The following SF3A3 variants were observed in gnomAD, a reference collection of about 807,000 sequenced individuals.
SF3A3 encodes the protein SAP 61.
SF3A3 carries 9 observed loss-of-function variants against 85.8 expected under a neutral mutation model. The ratio of observed to expected loss-of-function variants is 0.10; its 90% CI spans 0.06 to 0.18. The LOEUF (loss-of-function observed/expected upper bound fraction) is 0.18, where lower values mean the gene tolerates loss of function less well. Ranked by LOEUF, SF3A3 falls within the 10% of genes least tolerant of loss-of-function variation. The probability of loss-of-function intolerance (pLI) is 1.00; values close to 1 mark genes in which losing one functional copy is unlikely to be tolerated. For missense variants in SF3A3, 306 were observed against 593.3 expected, an observed-to-expected ratio of 0.52 and a Z score of 5.03; for synonymous variants, 195 against 204.4, an observed-to-expected ratio of 0.95 and a Z score of 0.39.
At position 37,980,741 on chromosome 1, in the gene SF3A3, A is replaced by G; in HGVS notation, c.552-17T>C. On this transcript the variant is annotated splice_polypyrimidine_tract_variant and intron_variant, in intron 7 of 16. Transcript: ENST00000373019. ...TCTAGGTATCTACAGAGGAACACAC[A>G]ATGCAGACAAAGCAAAAAGGGTTTC... 6.3e-7 allele frequency: 1 copy of G among 1,583,036 alleles called. No homozygotes were observed. The highest frequency in any genetic ancestry group is 8.6e-7 in the Non-Finnish European group (1 of 1,159,392).
chr1:37,975,841 G>A (rs1293890511), intron 12 of SF3A3, among the ~76,000 whole-genome samples: 2 of 152,342 alleles, frequency 1.3e-5, no homozygotes, highest in East Asian at 1.9e-4. Context: ...ATGCGAGTAT[G>A]TGTAAAGGGA....
intron 6 of SF3A3, among the ~76,000 whole-genome samples, chr1:37,983,101 G>A (rs1156389828): frequency 6.6e-6 from 1 of 151,524 alleles, no homozygotes; most frequent in Non-Finnish European, 1.5e-5. Context: ...ACCATGCCCA[G>A]CTAATTTTGT....
Position 37,974,149 on chromosome 1 carries a change from G to A in SF3A3, c.1005+2735C>T, listed in dbSNP as rs1570462013. Among the ~76,000 whole-genome samples, 4 of 152,050 alleles carry A rather than the reference G, an allele frequency of 2.6e-5. No homozygotes were observed. The South Asian group carries it at 8.3e-4, about 32-fold the overall frequency. ...TAATGTAAATGACGAGTTAACGGGT[G>A]CAGCACACCAACATGGCACATGTAC... On this transcript the variant is annotated intron_variant, in intron 12 of 16. Transcript: ENST00000373019.
intron 15 of SF3A3, among the ~76,000 whole-genome samples, chr1:37,962,013 A>C (rs1215651351): frequency 6.6e-6 from 1 of 150,604 alleles, no homozygotes; most frequent in Admixed American, 6.7e-5. Context: ...TGAACCCAGG[A>C]GGTGGAGGTT....
intron 15 of SF3A3, among the ~76,000 whole-genome samples, chr1:37,963,869 T>G (rs1405773748): frequency 1.3e-5 from 1 of 76,754 alleles, no homozygotes; most frequent in Non-Finnish European, 2.4e-5. Context: ...CCAATGATAT[T>G]CTTAAAAAAA....
intron 2 of SF3A3, among the ~76,000 whole-genome samples, chr1:37,988,769 C>A (rs996735997): frequency 6.6e-6 from 1 of 151,988 alleles, no homozygotes. Flanking sequence ...TTTTAATAAA[C>A]TGAACTATTA....
intron 6 of SF3A3, among the ~76,000 whole-genome samples, chr1:37,982,291 A>C (rs1465647838): frequency 6.6e-6 from 1 of 152,174 alleles, no homozygotes; most frequent in Non-Finnish European, 1.5e-5. Context: ...ATTTCTTCAC[A>C]ATTCCATGAG....
At chr1:37,972,065 T>A (rs1646348349) in intron 12 of SF3A3, among the ~76,000 whole-genome samples, 1 of 152,198 alleles carries the variant, frequency 6.6e-6, no homozygotes, top group Non-Finnish European at 1.5e-5. Flanking sequence ...GGAAGTCAAA[T>A]TGTCCCTGTT....
chr1:37,986,292 C>T (rs1646456357), intron 4 of SF3A3, among the ~76,000 whole-genome samples: 1 of 152,222 alleles, frequency 6.6e-6, no homozygotes, highest in Non-Finnish European at 1.5e-5. Flanking sequence ...CTTCTACTTC[C>T]CCATTACCCA....
intron 12 of SF3A3, among the ~76,000 whole-genome samples, chr1:37,970,805 C>G (rs1646340123): frequency 6.6e-6 from 1 of 152,070 alleles, no homozygotes; most frequent in Non-Finnish European, 1.5e-5. Flanking sequence ...TCTTGGAAAC[C>G]AATGAGCACA....
At chr1:37,969,994 T>C (rs1646327290) in intron 12 of SF3A3, among the ~76,000 whole-genome samples, 1 of 152,152 alleles carries the variant, frequency 6.6e-6, no homozygotes, top group African/African-American at 2.4e-5. Context: ...GAAAACAGTC[T>C]CATCTATTCT....
At chr1:37,983,586 CAAAAAAAAAA>C (rs371317065) in intron 6 of SF3A3, among the ~76,000 whole-genome samples, 3 of 38,490 alleles carry the variant, frequency 7.8e-5, no homozygotes, top group South Asian at 2.2e-3. Flanking sequence ...GACCCTGTCT[CAAAAAAAAAA>C]AAAAAAAAAA....
chr1:37,972,952 G>A (rs1646353419), intron 12 of SF3A3, among the ~76,000 whole-genome samples: 1 of 152,182 alleles, frequency 6.6e-6, no homozygotes, highest in Non-Finnish European at 1.5e-5. Context: ...AGGCCAAGGT[G>A]GGTGGATCAC....
intron 15 of SF3A3, among the ~76,000 whole-genome samples, chr1:37,967,369 C>T (rs1474800968): frequency 2.6e-5 from 4 of 151,334 alleles, no homozygotes; most frequent in Admixed American, 2.6e-4. Flanking sequence ...CACAGTGAAA[C>T]CCCGTCTCTA....
rs1397772796 is a variant in SF3A3 at position 37,979,162 on chromosome 1, T to C, written c.760-107A>G. On this transcript the variant is annotated intron_variant, in intron 9 of 16. Coordinates refer to ENST00000373019, the MANE Select transcript of SF3A3 (RefSeq NM_006802.4). ...CCTGAGGCTGTGGCAGGACCACACA[T>C]TTCACAGCCAATCTAGCAGTAAGTC... is the stretch of plus-strand genomic sequence containing the variant. 10 of 853,742 alleles carry C rather than the reference T, an allele frequency of 1.2e-5. No homozygotes were observed. The East Asian group carries it at 1.5e-4, about 13-fold the overall frequency. 52.9% of individuals were successfully genotyped at this position (853,742 alleles called of 1,614,324 possible).
chr1:37,985,413 T>G (rs952075041), intron 4 of SF3A3, among the ~76,000 whole-genome samples: 32 of 51,812 alleles, frequency 6.2e-4, no homozygotes, highest in African/African-American at 1.5e-3. Flanking sequence ...CCTGGGGGAG[T>G]TTTTTTTTTA....
rs1188676062 is a variant in SF3A3 at position 37,957,938 on chromosome 1, T to TG, written c.*247dup. 4 of 465,910 alleles carry TG rather than the reference T, an allele frequency of 8.6e-6. No individual in the cohort carries two copies. Among genetic ancestry groups the TG allele is most frequent in the African/African-American group, 5.8e-5 (3 of 51,438 alleles). 28.9% of individuals were successfully genotyped at this position (465,910 alleles called of 1,614,324 possible). A position where few individuals can be genotyped will look rare whatever the true frequency, so the allele number is the denominator to read the frequency against. On this transcript the variant is annotated 3_prime_UTR_variant, in exon 17 of 17. Transcript: ENST00000373019. ...GGCGTTAAGACCTGAAGCACTGAGTTGGTCCATAACCCTGGGCTTTAGAAC... is the reference window on the plus strand; with the variant it reads ...GGCGTTAAGACCTGAAGCACTGAGTTGGGTCCATAACCCTGGGCTTTAGAAC...
At chr1:37,974,860 A>G (rs1017282170) in intron 12 of SF3A3, among the ~76,000 whole-genome samples, 2 of 152,212 alleles carry the variant, frequency 1.3e-5, no homozygotes, top group Non-Finnish European at 2.9e-5. Flanking sequence ...TCCTGAACAT[A>G]TAATTTTATC....
chr1:37,987,981 G>T lies in SF3A3; in HGVS notation c.145-145C>A, dbSNP rs1570472524. ...AGTCTTAACAGTTCTGTGCTTCCTA[G>T]TACCTTTAACAGCCCTGATTCCTGG... On this transcript the variant is annotated intron_variant, in intron 2 of 16. Coordinates refer to ENST00000373019, the MANE Select transcript of SF3A3 (RefSeq NM_006802.4). The T allele has an allele frequency of 1.3e-5, 9 of 706,836 alleles. No individual in the cohort carries two copies. In the South Asian group the frequency reaches 1.4e-4, roughly 11 times the overall value. The allele number at this position is 706,836 out of a possible 1,614,324, so 43.8% of individuals were successfully genotyped here. A position where few individuals can be genotyped will look rare whatever the true frequency, so the allele number is the denominator to read the frequency against.
Sources: allele counts gnomAD v4.1 joint callset (sites outside exome capture counted in the v4.1 genomes callset), GRCh38; gene constraint gnomAD v4.1.1; transcripts MANE v1.5; gene names NCBI Gene and HGNC (gene_info 2026-07-23, HGNC 2026-07-21).